FSTL5: variants seen among roughly 807,000 people sequenced by gnomAD.
FSTL5 encodes follistatin-related protein 5.
FSTL5 carries 62 observed loss-of-function variants against 89.1 expected under a neutral mutation model. That is an observed-to-expected ratio of 0.70 (90% CI 0.57 to 0.86). FSTL5 has a LOEUF of 0.86. Among genes scored for constraint, FSTL5 ranks in the 40% least tolerant of loss-of-function variants. FSTL5 has a pLI of 0.00. For missense variants in FSTL5, 1,057 were observed against 1,001.6 expected (o/e 1.06, Z -0.75); for synonymous variants, 383 against 346.2 (o/e 1.11, Z -1.18).
intron 13 of FSTL5, among the ~76,000 whole-genome samples, chr4:161,463,215 G>T (rs1311255429): frequency 1.3e-5 from 2 of 152,010 alleles, no homozygotes; most frequent in African/African-American, 4.8e-5. Context: ...TCTGCTCAAC[G>T]ATTTCCAAAA....
At chr4:161,619,039 A>G (rs1209006272) in intron 7 of FSTL5, among the ~76,000 whole-genome samples, 1 of 152,172 alleles carries the variant, frequency 6.6e-6, no homozygotes, top group Non-Finnish European at 1.5e-5. Flanking sequence ...AACGCTGCAT[A>G]TCTACAACTA....
intron 7 of FSTL5, among the ~76,000 whole-genome samples, chr4:161,651,698 G>A (rs28579291): frequency 0.017 from 2,526 of 152,140 alleles, 74 homozygotes; most frequent in African/African-American, 0.057. Context: ...TCATTTTACC[G>A]ATAAGGGTGC....
At chr4:161,603,111 A>C (rs990592871) in intron 7 of FSTL5, among the ~76,000 whole-genome samples, 9 of 152,182 alleles carry the variant, frequency 5.9e-5, no homozygotes, top group South Asian at 4.1e-4. Flanking sequence ...ACAGAGCTCT[A>C]AGGAGCTGAC....
rs568447980 is a variant in FSTL5 at position 162,159,828 on chromosome 4, T to C, written c.-17+3787A>G. ...CATTTTGTTTTTTATTCCTGGCAAATATTCATTTTCAATTGTTCCTTGCCT... is the reference window on the plus strand; with the variant it reads ...CATTTTGTTTTTTATTCCTGGCAAACATTCATTTTCAATTGTTCCTTGCCT... On this transcript the variant is annotated intron_variant, in intron 1 of 15. Transcript: ENST00000306100. Among the ~76,000 whole-genome samples, 6 of 152,076 alleles carry C rather than the reference T, an allele frequency of 3.9e-5. No homozygotes were observed. In the East Asian group the frequency reaches 1.2e-3, roughly 29 times the overall value.
At chr4:161,389,114 C>A (rs1305654191) in intron 15 of FSTL5, among the ~76,000 whole-genome samples, 1 of 151,968 alleles carries the variant, frequency 6.6e-6, no homozygotes, top group Non-Finnish European at 1.5e-5. Flanking sequence ...TTCAAAATTT[C>A]CCCTAGTACA....
At chr4:161,634,740 TG>T (rs1735628635) in intron 7 of FSTL5, among the ~76,000 whole-genome samples, 1 of 152,074 alleles carries the variant, frequency 6.6e-6, no homozygotes, top group African/African-American at 2.4e-5. Context: ...GAACTGGGGA[TG>T]AGAAAAATGG....
intron 3 of FSTL5, among the ~76,000 whole-genome samples, chr4:161,948,126 A>T (rs1304658691): frequency 6.6e-6 from 1 of 151,766 alleles, no homozygotes; most frequent in Non-Finnish European, 1.5e-5. Flanking sequence ...AAAATTTAAA[A>T]AAAAAAAGCT....
At chr4:161,957,588 A>AG (rs1735058190) in intron 3 of FSTL5, among the ~76,000 whole-genome samples, 1 of 152,062 alleles carries the variant, frequency 6.6e-6, no homozygotes, top group Admixed American at 6.6e-5. Flanking sequence ...AGCTTGCTGA[A>AG]GGGGGGAGGC....
intron 2 of FSTL5, among the ~76,000 whole-genome samples, chr4:162,042,252 G>T (rs2111228738): frequency 1.3e-5 from 2 of 152,010 alleles, no homozygotes; most frequent in East Asian, 3.9e-4. Flanking sequence ...ATTACTAATG[G>T]TTTAGAAGTA....
chr4:161,897,719 G>A (rs1414825266), intron 4 of FSTL5, among the ~76,000 whole-genome samples: 1 of 151,898 alleles, frequency 6.6e-6, no homozygotes, highest in Non-Finnish European at 1.5e-5. Flanking sequence ...GCTGATAATG[G>A]CACATTAGTA....
At chr4:161,548,990 T>C (rs1048485562) in intron 8 of FSTL5, among the ~76,000 whole-genome samples, 1 of 151,886 alleles carries the variant, frequency 6.6e-6, no homozygotes, top group African/African-American at 2.4e-5. Context: ...AAGCAAATAG[T>C]TCTGGATGGC....
intron 7 of FSTL5, among the ~76,000 whole-genome samples, chr4:161,630,648 G>T (rs1290885769): frequency 1.3e-5 from 2 of 152,146 alleles, no homozygotes; most frequent in African/African-American, 4.8e-5. Flanking sequence ...TCTCCACAAA[G>T]ATGAATAATA....
At position 161,747,463 on chromosome 4, in the gene FSTL5, T is replaced by C. The variant is rs184165976; in HGVS notation, c.727+11948A>G. Among the ~76,000 whole-genome samples, 461 of 152,320 alleles carry C rather than the reference T, an allele frequency of 3.0e-3. 4 individuals carry two copies. The highest frequency in any genetic ancestry group is 0.01 in the African/African-American group (425 of 41,574). On this transcript the variant is annotated intron_variant, in intron 6 of 15. Transcript: ENST00000306100. Reference sequence around the variant, plus strand: ...TTGTTTATTCAATAAAGTGTTATTATCATTAATGCTAATTAAGCAACACTG... The same window carrying C: ...TTGTTTATTCAATAAAGTGTTATTACCATTAATGCTAATTAAGCAACACTG...
chr4:161,561,483 CT>C (rs1732600553), intron 8 of FSTL5, among the ~76,000 whole-genome samples: 2 of 151,788 alleles, frequency 1.3e-5, no homozygotes, highest in Admixed American at 1.3e-4. Flanking sequence ...TGTTAATTGG[CT>C]CTGGGTTATT....
intron 5 of FSTL5, among the ~76,000 whole-genome samples, chr4:161,764,963 T>C (rs1360774627): frequency 6.6e-6 from 1 of 152,224 alleles, no homozygotes; most frequent in Non-Finnish European, 1.5e-5. Flanking sequence ...ACTAATTTTG[T>C]AATTGTAGCT....
chr4:161,926,180 A>G (rs1734115911), intron 3 of FSTL5, among the ~76,000 whole-genome samples: 1 of 151,864 alleles, frequency 6.6e-6, no homozygotes, highest in South Asian at 2.1e-4. Flanking sequence ...ATGACCTGTA[A>G]TAATTGGGAT....
chr4:162,073,216 G>A (rs1729698456), intron 2 of FSTL5, among the ~76,000 whole-genome samples: 1 of 151,480 alleles, frequency 6.6e-6, no homozygotes, highest in Non-Finnish European at 1.5e-5. Context: ...TTTCACTGTA[G>A]AACTATATGT....
chr4:161,818,848 A>G (rs928484822), intron 4 of FSTL5, among the ~76,000 whole-genome samples: 3 of 152,148 alleles, frequency 2.0e-5, no homozygotes, highest in African/African-American at 7.2e-5. Context: ...GTGTCTTTTA[A>G]AAGTGTTTTT....
intron 3 of FSTL5, among the ~76,000 whole-genome samples, chr4:161,981,172 CA>C: frequency 6.6e-6 from 1 of 152,204 alleles, no homozygotes; most frequent in East Asian, 1.9e-4. Flanking sequence ...AAAGTCAGTA[CA>C]GGAAAAGATT....
Sources: allele counts gnomAD v4.1 joint callset (sites outside exome capture counted in the v4.1 genomes callset), GRCh38; gene constraint gnomAD v4.1.1; transcripts MANE v1.5; gene names NCBI Gene and HGNC (gene_info 2026-07-23, HGNC 2026-07-21).